The following MAGI1 variants were observed in gnomAD, a reference collection of about 807,000 sequenced individuals.
MAGI1 encodes membrane associated guanylate kinase, WW and PDZ domain containing 1.
In MAGI1, 58 loss-of-function variants were observed where a neutral mutation model predicts 139.9. That is an observed-to-expected ratio of 0.41 (90% CI 0.34 to 0.52). The LOEUF is 0.52. MAGI1 is among the 20% of genes least tolerant of loss of function. MAGI1 has a pLI of 0.12. For synonymous variants in MAGI1, 812 were observed against 737.9 expected, an observed-to-expected ratio of 1.10 and a Z score of -1.63; for missense variants, 1,874 against 1,901.6, an observed-to-expected ratio of 0.99 and a Z score of 0.27.
chr3:65,825,409 A>G (rs200252653), intron 1 of MAGI1, among the ~76,000 whole-genome samples: 2 of 152,248 alleles, frequency 1.3e-5, no homozygotes, highest in South Asian at 2.1e-4. Flanking sequence ...CTTCTCCCCA[A>G]CTTCGCATTC....
chr3:66,029,733 C>T (rs1289823868), intron 1 of MAGI1, among the ~76,000 whole-genome samples: 1 of 152,190 alleles, frequency 6.6e-6, no homozygotes, highest in Non-Finnish European at 1.5e-5. Flanking sequence ...AAGCCCTGTG[C>T]ATTCAAATCC....
chr3:65,726,768 C>G (rs1189578712), intron 1 of MAGI1, among the ~76,000 whole-genome samples: 1 of 151,962 alleles, frequency 6.6e-6, no homozygotes, highest in Non-Finnish European at 1.5e-5. Context: ...CACCTAGGGA[C>G]CTCAGAATGG....
At chr3:65,538,942 C>A (rs1559650247) in intron 2 of MAGI1, among the ~76,000 whole-genome samples, 1 of 151,458 alleles carries the variant, frequency 6.6e-6, no homozygotes, top group Admixed American at 6.6e-5. Flanking sequence ...CCGTCAACCA[C>A]AAACATGTAC....
At chr3:66,009,520 A>G (rs1345333265) in intron 1 of MAGI1, among the ~76,000 whole-genome samples, 2 of 152,074 alleles carry the variant, frequency 1.3e-5, no homozygotes, top group East Asian at 1.9e-4. Flanking sequence ...CAAAATAAAA[A>G]AAGTAAGGAA....
chr3:65,383,181 C>G (rs1033525177), intron 15 of MAGI1, among the ~76,000 whole-genome samples: 9 of 152,170 alleles, frequency 5.9e-5, no homozygotes, highest in Admixed American at 5.9e-4. Flanking sequence ...CTACTACCTG[C>G]TGGCAGAGTG....
In MAGI1 at chr3:65,510,342, G is replaced by A. The variant is rs547225036; in HGVS notation, c.431-16711C>T. Among the ~76,000 whole-genome samples the A allele has an allele frequency of 1.4e-3, 212 of 152,176 alleles. 2 individuals carry two copies. The South Asian group carries it at 0.039, about 28-fold the overall frequency. On this transcript the variant is annotated intron_variant, in intron 2 of 22. Coordinates refer to ENST00000402939, the MANE Select transcript of MAGI1 (RefSeq NM_001033057.2). ...GAGCTGAGAGAAGAAGGCTTCAGAC[G>A]ATCAAATTACTCTGAGCTACGGGGG... is the stretch of plus-strand genomic sequence containing the variant.
At chr3:65,883,402 CAAG>C (rs2060412160) in intron 1 of MAGI1, among the ~76,000 whole-genome samples, 1 of 152,066 alleles carries the variant, frequency 6.6e-6, no homozygotes, top group African/African-American at 2.4e-5. Flanking sequence ...CAAGAATAAA[CAAG>C]AATATATATT....
At position 65,478,710 on chromosome 3, in the gene MAGI1, G is replaced by T; in HGVS notation, c.639C>A (p.Gly213=). 6.2e-7 allele frequency: 1 copy of T among 1,614,060 alleles called. No individual in the cohort carries two copies. ...TTCGCTTCGGGGTCGACTGCTTAGAGCCAGACTGAAGGCTGTGCAAGGCAT... is the reference window on the plus strand; with the variant it reads ...TTCGCTTCGGGGTCGACTGCTTAGATCCAGACTGAAGGCTGTGCAAGGCAT... The part of the protein sequence containing the change: ...TTDALHSLQS[G]SKQSTPKRTK... The change falls in exon 4 of 23, where the codon GGC becomes GGA. Residue 213 remains glycine, a synonymous_variant. Coordinates refer to ENST00000402939, the MANE Select transcript of MAGI1 (RefSeq NM_001033057.2).
chr3:65,762,136 G>T (rs1559857944), intron 1 of MAGI1, among the ~76,000 whole-genome samples: 1 of 152,028 alleles, frequency 6.6e-6, no homozygotes, highest in Non-Finnish European at 1.5e-5. Context: ...ATTTCACTAG[G>T]TATAAGCCAC....
At chr3:65,619,943 T>C (rs1281597774) in intron 2 of MAGI1, 4 of 985,324 alleles carry the variant, frequency 4.1e-6, no homozygotes, top group South Asian at 9.4e-5. Context: ...CAAGGGGCTT[T>C]ATACCAGCAA....
chr3:65,950,718 G>A (rs559798216), intron 1 of MAGI1, among the ~76,000 whole-genome samples: 243 of 152,128 alleles, frequency 1.6e-3, no homozygotes, highest in African/African-American at 5.0e-3. Flanking sequence ...ACCCCCCACT[G>A]GTCGGCAAAA....
chr3:65,573,090 A>G (rs913286942), intron 2 of MAGI1, among the ~76,000 whole-genome samples: 1 of 151,848 alleles, frequency 6.6e-6, no homozygotes, highest in East Asian at 1.9e-4. Context: ...AACCAGTGTT[A>G]ATATTTTTGT....
At chr3:65,366,202 A>ACT (rs1323729857) in intron 18 of MAGI1, among the ~76,000 whole-genome samples, 1 of 152,188 alleles carries the variant, frequency 6.6e-6, no homozygotes, top group African/African-American at 2.4e-5. Flanking sequence ...TACAATAAGC[A>ACT]CTCAATACAC....
chr3:65,429,616 T>C lies in MAGI1; in HGVS notation c.2071A>G (p.Lys691Glu). 1 of 1,613,980 alleles carries C rather than the reference T, an allele frequency of 6.2e-7. No individual in the cohort carries two copies. The highest frequency in any genetic ancestry group is 8.5e-7 in the Non-Finnish European group (1 of 1,179,924). Residue 691 changes from lysine (K) to glutamate (E), a missense_variant, in exon 12 of 23, where the codon AAG becomes GAG. Around this residue, in one of 5 missense-constraint regions of MAGI1, gnomAD observed 482 missense variants for 509.6 expected, o/e 0.95. Coordinates refer to ENST00000402939, the MANE Select transcript of MAGI1 (RefSeq NM_001033057.2). Reference protein sequence around the residue: ...KEGDLIVEVNKKNVQALTHNQ... With the variant: ...KEGDLIVEVNEKNVQALTHNQ... ...TGAGTTAGGGCCTGCACGTTCTTCT[T>C]ATTAACTTCCACTATGAGATCCCCT...
At chr3:65,955,853 T>C (rs2064100038) in intron 1 of MAGI1, among the ~76,000 whole-genome samples, 1 of 151,978 alleles carries the variant, frequency 6.6e-6, no homozygotes, top group Non-Finnish European at 1.5e-5. Context: ...TATTTACCCA[T>C]GCCAGAGTGT....
At chr3:65,996,453 T>C (rs2066452925) in intron 1 of MAGI1, among the ~76,000 whole-genome samples, 1 of 144,050 alleles carries the variant, frequency 6.9e-6, no homozygotes, top group Non-Finnish European at 1.5e-5. Context: ...AAAAAAGAGA[T>C]ACAGGCACAG....
intron 1 of MAGI1, among the ~76,000 whole-genome samples, chr3:65,773,052 G>T (rs2038082974): frequency 6.6e-6 from 1 of 151,954 alleles, no homozygotes. Flanking sequence ...TCTGGTAAAT[G>T]GCAAAAAAAC....
At chr3:65,377,700 CA>C (rs1942663169) in intron 17 of MAGI1, among the ~76,000 whole-genome samples, 1 of 152,146 alleles carries the variant, frequency 6.6e-6, no homozygotes, top group East Asian at 1.9e-4. Flanking sequence ...AATTTTAAAA[CA>C]AAACCAAAAA....
At chr3:65,895,473 T>C (rs767072462) in intron 1 of MAGI1, among the ~76,000 whole-genome samples, 13 of 152,182 alleles carry the variant, frequency 8.5e-5, no homozygotes, top group Non-Finnish European at 1.8e-4. Context: ...TTCTCAAAAG[T>C]ACTACAATTC....
Sources: allele counts gnomAD v4.1 joint callset (sites outside exome capture counted in the v4.1 genomes callset), GRCh38; gene constraint gnomAD v4.1.1; regional missense constraint gnomAD v4.1.1; transcripts MANE v1.5; gene names NCBI Gene and HGNC (gene_info 2026-07-23, HGNC 2026-07-21).